TAFA4: variants seen among roughly 807,000 people sequenced by gnomAD.
TAFA4 encodes TAFA chemokine like family member 4.
In TAFA4, 20 loss-of-function variants were observed where a neutral mutation model predicts 21.1. That is an observed-to-expected ratio of 0.95 (90% CI 0.67 to 1.38). The LOEUF (loss-of-function observed/expected upper bound fraction) is 1.38. Ranked by LOEUF, TAFA4 falls within the 40% of genes most tolerant of loss-of-function variation. TAFA4 has a pLI of 0.00. For synonymous variants in TAFA4, 71 were observed against 67.4 expected (o/e 1.05, Z -0.26); for missense variants, 211 against 180.9 (o/e 1.17, Z -0.95).
intron 4 of TAFA4, among the ~76,000 whole-genome samples, chr3:68,741,859 A>C (rs1258326740): frequency 6.6e-6 from 1 of 151,806 alleles, no homozygotes; most frequent in African/African-American, 2.4e-5. Context: ...AAGAGAGAAC[A>C]CTTCCAAACT....
chr3:68,922,836 G>A (rs140122202), intron 1 of TAFA4, among the ~76,000 whole-genome samples: 2 of 152,208 alleles, frequency 1.3e-5, no homozygotes, highest in East Asian at 3.9e-4. Context: ...TGTACATCAG[G>A]ACAAGCTGGC....
At chr3:68,896,138 A>G (rs1261125586) in intron 1 of TAFA4, among the ~76,000 whole-genome samples, 1 of 152,164 alleles carries the variant, frequency 6.6e-6, no homozygotes, top group Non-Finnish European at 1.5e-5. Flanking sequence ...GGTAGGAGGT[A>G]ATGTTAGGTA....
chr3:68,836,525 T>C (rs1233698512), intron 3 of TAFA4, among the ~76,000 whole-genome samples: 1 of 152,252 alleles, frequency 6.6e-6, no homozygotes, highest in Non-Finnish European at 1.5e-5. Context: ...TGAAATCTTT[T>C]TGTAGAAAAA....
intron 3 of TAFA4, among the ~76,000 whole-genome samples, chr3:68,786,269 T>C (rs1470873001): frequency 6.6e-6 from 1 of 152,036 alleles, no homozygotes; most frequent in East Asian, 1.9e-4. Context: ...AAATTAAATT[T>C]TAAAAAAAGA....
At chr3:68,835,600 G>C (rs1049695071) in intron 3 of TAFA4, among the ~76,000 whole-genome samples, 2 of 152,246 alleles carry the variant, frequency 1.3e-5, no homozygotes, top group African/African-American at 4.8e-5. Context: ...AAGTGGAGCA[G>C]AGAAAGATGT....
At chr3:68,742,058 AGAATGCT>A (rs1184919155) in intron 4 of TAFA4, among the ~76,000 whole-genome samples, 2 of 152,226 alleles carry the variant, frequency 1.3e-5, no homozygotes, top group South Asian at 2.1e-4. Flanking sequence ...TTGGGCTGCA[AGAATGCT>A]TAATCAATAA....
intron 2 of TAFA4, among the ~76,000 whole-genome samples, chr3:68,884,602 G>A (rs767961027): frequency 5.9e-5 from 9 of 152,342 alleles, no homozygotes; most frequent in South Asian, 2.1e-4. Flanking sequence ...AAAAATGGAA[G>A]TTGGAGATAA....
At chr3:68,866,324 A>G (rs1488122597) in intron 3 of TAFA4, among the ~76,000 whole-genome samples, 1 of 151,920 alleles carries the variant, frequency 6.6e-6, no homozygotes, top group Non-Finnish European at 1.5e-5. Flanking sequence ...AGAGCTCTGA[A>G]CCTTAGTGAG....
chr3:68,808,056 C>T (rs963273829), intron 3 of TAFA4, among the ~76,000 whole-genome samples: 2 of 151,616 alleles, frequency 1.3e-5, no homozygotes, highest in African/African-American at 4.8e-5. Context: ...TAGCACAGAA[C>T]AGTAAAGGAA....
chr3:68,869,122 A>T (rs1474686280), intron 3 of TAFA4, among the ~76,000 whole-genome samples: 6 of 151,560 alleles, frequency 4.0e-5, no homozygotes, highest in Admixed American at 3.3e-4. Flanking sequence ...AAATGAATAA[A>T]TTCCTGGACA....
intron 3 of TAFA4, among the ~76,000 whole-genome samples, chr3:68,851,641 A>G (rs1361171050): frequency 6.6e-6 from 1 of 152,190 alleles, no homozygotes; most frequent in Non-Finnish European, 1.5e-5. Context: ...TACCATCTCA[A>G]ATCTATCAAT....
rs187292129 is a variant in TAFA4, at chr3:68,804,510, G to A, written c.131-51492C>T. Reference sequence around the variant, plus strand: ...CTGCCAAGTCAATCCTAAGCCAAAAGAACAAAGCTGGAGGCAGCATCACGC... The same window carrying A: ...CTGCCAAGTCAATCCTAAGCCAAAAAAACAAAGCTGGAGGCAGCATCACGC... On this transcript the variant is annotated intron_variant, in intron 3 of 5. Transcript: ENST00000295569. 1.1e-3 allele frequency among the ~76,000 whole-genome samples: 173 copies of A among 152,258 alleles called. 1 individual carries two copies. Among genetic ancestry groups the A allele is most frequent in the Admixed American group, 2.1e-3 (32 of 15,280 alleles).
Position 68,862,855 on chromosome 3 carries a change from T to TCACACACACA in TAFA4, c.130+17865_130+17874dup, listed in dbSNP as rs145463746. ...TCAGCCTCCAAGCTTAAAAGAATTT[T>TCACACACACA]CACACACACACACACACACACACAC... On this transcript the variant is annotated intron_variant, in intron 3 of 5. Coordinates refer to ENST00000295569, the MANE Select transcript of TAFA4 (RefSeq NM_182522.5). Among the ~76,000 whole-genome samples, 955 of 148,562 alleles carry TCACACACACA rather than the reference T, an allele frequency of 6.4e-3. 4 individuals are homozygous for TCACACACACA. Among genetic ancestry groups the TCACACACACA allele is most frequent in the African/African-American group, 8.7e-3 (349 of 40,326 alleles).
chr3:68,849,929 G>A (rs1284548287), intron 3 of TAFA4, among the ~76,000 whole-genome samples: 1 of 151,948 alleles, frequency 6.6e-6, no homozygotes, highest in Non-Finnish European at 1.5e-5. Flanking sequence ...GTTTTATTGA[G>A]GTATAATTGA....
chr3:68,783,526 T>C (rs183779030), intron 3 of TAFA4, among the ~76,000 whole-genome samples: 224 of 152,132 alleles, frequency 1.5e-3, no homozygotes, highest in Non-Finnish European at 1.6e-3. Flanking sequence ...ACTGAGGACT[T>C]TTCTCAAAGA....
At chr3:68,778,584 A>G (rs376260057) in intron 3 of TAFA4, among the ~76,000 whole-genome samples, 3 of 152,168 alleles carry the variant, frequency 2.0e-5, no homozygotes, top group South Asian at 2.1e-4. Context: ...ATGACAGTGA[A>G]TAAGTTTTAC....
intron 3 of TAFA4, among the ~76,000 whole-genome samples, chr3:68,787,287 C>T (rs1703279192): frequency 6.6e-6 from 1 of 152,206 alleles, no homozygotes; most frequent in South Asian, 2.1e-4. Context: ...TAACCCCCTA[C>T]ACTCACTATT....
At chr3:68,808,637 G>C (rs565850223) in intron 3 of TAFA4, among the ~76,000 whole-genome samples, 5 of 152,084 alleles carry the variant, frequency 3.3e-5, no homozygotes, top group Non-Finnish European at 2.9e-5. Context: ...CTAAACTCTA[G>C]ACTTTCCTTT....
At chr3:68,856,616 G>A (rs1456120725) in intron 3 of TAFA4, among the ~76,000 whole-genome samples, 4 of 152,098 alleles carry the variant, frequency 2.6e-5, no homozygotes, top group Non-Finnish European at 1.5e-5. Flanking sequence ...TAGTGATAAT[G>A]AGGCAGGAAC....
Sources: allele counts gnomAD v4.1 joint callset (sites outside exome capture counted in the v4.1 genomes callset), GRCh38; gene constraint gnomAD v4.1.1; transcripts MANE v1.5; gene names NCBI Gene and HGNC (gene_info 2026-07-23, HGNC 2026-07-21).